Variants in CNTN4 observed in about 807,000 individuals in gnomAD.
CNTN4 encodes the protein contactin 4.
CNTN4 carries 77 observed loss-of-function variants against 122.5 expected under a neutral mutation model. The observed-to-expected ratio is 0.63, with a 90% CI of 0.52 to 0.76. The LOEUF is 0.76. Ranked by LOEUF, CNTN4 falls within the 30% of genes least tolerant of loss-of-function variation. CNTN4 has a pLI of 0.00. For missense variants in CNTN4, 1,256 were observed against 1,259.1 expected, an observed-to-expected ratio of 1.00 and a Z score of 0.04; for synonymous variants, 512 against 447.0, an observed-to-expected ratio of 1.15 and a Z score of -1.83.
chr3:2,862,976 A>T lies in CNTN4; in HGVS notation c.455-3776A>T, dbSNP rs559192251. 2.6e-5 allele frequency among the ~76,000 whole-genome samples: 4 copies of T among 152,338 alleles called. No individual in the cohort carries two copies. The South Asian group carries it at 8.3e-4, about 32-fold the overall frequency. On this transcript the variant is annotated intron_variant, in intron 7 of 24. Coordinates refer to ENST00000418658, the MANE Select transcript of CNTN4 (RefSeq NM_175607.3). ...CTGGAATGAGAGTTAAGCTAGAACGAGTAGGTTATAGTCCGCCTCACCCCT... is the reference window on the plus strand; with the variant it reads ...CTGGAATGAGAGTTAAGCTAGAACGTGTAGGTTATAGTCCGCCTCACCCCT...
At chr3:2,705,619 ATAAT>A (rs2086640753) in intron 4 of CNTN4, among the ~76,000 whole-genome samples, 1 of 29,266 alleles carries the variant, frequency 3.4e-5, no homozygotes, top group South Asian at 1.1e-3. Context: ...ATATTTATAT[ATAAT>A]ATATAAATAT....
intron 4 of CNTN4, among the ~76,000 whole-genome samples, chr3:2,620,070 G>A (rs1402663688): frequency 1.3e-5 from 2 of 152,170 alleles, no homozygotes; most frequent in Admixed American, 6.5e-5. Flanking sequence ...CTGGAGGTAA[G>A]CCAGTCATTC....
intron 4 of CNTN4, among the ~76,000 whole-genome samples, chr3:2,597,146 T>C (rs2080807490): frequency 2.0e-5 from 3 of 152,174 alleles, no homozygotes; most frequent in African/African-American, 4.8e-5. Context: ...CACTGTCCTT[T>C]CCATAGCATT....
At chr3:2,377,515 A>G (rs543031901) in intron 3 of CNTN4, among the ~76,000 whole-genome samples, 1 of 152,330 alleles carries the variant, frequency 6.6e-6, no homozygotes. Flanking sequence ...GGAAAGGTCA[A>G]ATAGGTTTCA....
At chr3:2,641,795 T>G (rs2082906677) in intron 4 of CNTN4, among the ~76,000 whole-genome samples, 1 of 152,222 alleles carries the variant, frequency 6.6e-6, no homozygotes, top group Admixed American at 6.5e-5. Flanking sequence ...AAAGGAAGAT[T>G]GCTTAGAAAC....
Position 2,578,804 on chromosome 3 carries a change from C to G in CNTN4, c.55+7246C>G, listed in dbSNP as rs546789546. 2.0e-5 allele frequency among the ~76,000 whole-genome samples: 3 copies of G among 151,972 alleles called. No homozygotes were observed. The South Asian group carries it at 6.3e-4, about 32-fold the overall frequency. On this transcript the variant is annotated intron_variant, in intron 4 of 24. Coordinates refer to ENST00000418658, the MANE Select transcript of CNTN4 (RefSeq NM_175607.3). ...ATAACTATGGCCATAAAATGAAGCC[C>G]ATGTGGTAGAAAGACTTAGTCAAGA...
intron 6 of CNTN4, among the ~76,000 whole-genome samples, chr3:2,771,850 A>C (rs1175495262): frequency 6.6e-6 from 1 of 152,210 alleles, no homozygotes; most frequent in African/African-American, 2.4e-5. Context: ...CCTGGGGTAC[A>C]CAGTAGGCTC....
At chr3:2,183,736 G>T (rs909546828) in intron 2 of CNTN4, among the ~76,000 whole-genome samples, 2 of 152,084 alleles carry the variant, frequency 1.3e-5, no homozygotes, top group Non-Finnish European at 2.9e-5. Flanking sequence ...TGGAATAATG[G>T]TTATGCACCC....
At chr3:2,241,486 T>G (rs1271695828) in intron 2 of CNTN4, among the ~76,000 whole-genome samples, 1 of 152,194 alleles carries the variant, frequency 6.6e-6, no homozygotes, top group Non-Finnish European at 1.5e-5. Context: ...TTCAATTCTC[T>G]TTTCTAGGGA....
intron 4 of CNTN4, among the ~76,000 whole-genome samples, chr3:2,572,379 C>T (rs903316198): frequency 4.6e-5 from 7 of 152,154 alleles, no homozygotes; most frequent in Middle Eastern, 3.4e-3. Context: ...GAGTGAGGCT[C>T]GGTCTCAAAA....
intron 6 of CNTN4, among the ~76,000 whole-genome samples, chr3:2,789,826 A>G (rs1373818960): frequency 1.3e-5 from 2 of 152,242 alleles, no homozygotes; most frequent in Non-Finnish European, 2.9e-5. Context: ...GGAGACCTGG[A>G]AAAGTATATA....
intron 3 of CNTN4, among the ~76,000 whole-genome samples, chr3:2,355,797 A>G (rs2044847415): frequency 6.6e-6 from 1 of 152,200 alleles, no homozygotes; most frequent in South Asian, 2.1e-4. Flanking sequence ...ACAAGGAAAA[A>G]CCAGGACCTC....
At position 2,900,792 on chromosome 3, in the gene CNTN4, C is replaced by T. The variant is rs372731917; in HGVS notation, c.1048C>T (p.Leu350=). 42 of 1,613,782 alleles carry T rather than the reference C, an allele frequency of 2.6e-5. No homozygotes were observed. The highest frequency in any genetic ancestry group is 3.6e-5 in the Non-Finnish European group (42 of 1,179,828). The change falls in exon 11 of 25, where the codon CTA becomes TTA. Residue 350 remains leucine (L), a synonymous_variant. Coordinates refer to ENST00000418658, the MANE Select transcript of CNTN4 (RefSeq NM_175607.3). Reference sequence around the variant, plus strand: ...AAGGCCTAAGCCTACATACAAGTGGCTAAAAAATGGCGAACCTCTGCTAAC... The same window carrying T: ...AAGGCCTAAGCCTACATACAAGTGGTTAAAAAATGGCGAACCTCTGCTAAC... The part of the protein sequence containing the change: ...NGRPKPTYKW[L]KNGEPLLTRD...
At chr3:2,835,151 C>T (rs561716291) in intron 7 of CNTN4, among the ~76,000 whole-genome samples, 3 of 151,644 alleles carry the variant, frequency 2.0e-5, no homozygotes, top group Non-Finnish European at 4.4e-5. Context: ...GCGATCCGCC[C>T]GCCTCAGCCT....
intron 14 of CNTN4, among the ~76,000 whole-genome samples, chr3:3,022,483 G>C (rs1698388245): frequency 6.6e-6 from 1 of 152,150 alleles, no homozygotes; most frequent in Non-Finnish European, 1.5e-5. Context: ...TCATTTTAGA[G>C]ACAATAAAAG....
chr3:2,976,139 C>T (rs965641167), intron 13 of CNTN4, among the ~76,000 whole-genome samples: 3 of 152,244 alleles, frequency 2.0e-5, no homozygotes, highest in South Asian at 2.1e-4. Flanking sequence ...ATTTTACCAG[C>T]CCAAGAAAAG....
intron 2 of CNTN4, among the ~76,000 whole-genome samples, chr3:2,228,583 T>C (rs576689096): frequency 6.6e-6 from 1 of 152,228 alleles, no homozygotes; most frequent in East Asian, 1.9e-4. Context: ...AAGGGCTTTA[T>C]ATACATTATT....
intron 3 of CNTN4, among the ~76,000 whole-genome samples, chr3:2,535,653 T>G (rs1390259190): frequency 6.6e-6 from 1 of 152,150 alleles, no homozygotes; most frequent in Non-Finnish European, 1.5e-5. Flanking sequence ...TATTCCTAAG[T>G]GCTAAGAGGA....
chr3:2,364,841 C>G (rs1435189761), intron 3 of CNTN4, among the ~76,000 whole-genome samples: 2 of 152,172 alleles, frequency 1.3e-5, no homozygotes, highest in South Asian at 4.1e-4. Context: ...ATTGCCATGA[C>G]AATATCAAGT....
Sources: gnomAD v4.1 joint callset for allele counts (sites outside exome capture counted in the v4.1 genomes callset) on GRCh38, gnomAD v4.1.1 for gene constraint, MANE v1.5 for transcripts, NCBI Gene and HGNC (gene_info 2026-07-23, HGNC 2026-07-21) for gene names.